PNPLA7: variants seen among roughly 807,000 people sequenced by gnomAD.
PNPLA7 encodes patatin-like phospholipase domain-containing protein 7.
PNPLA7 carries 153 observed loss-of-function variants against 161.7 expected under a neutral mutation model. That is an observed-to-expected ratio of 0.95 (90% CI 0.83 to 1.08). PNPLA7 has a LOEUF of 1.08. PNPLA7 is among the 50% of genes least tolerant of loss of function. The pLI is 0.00. For missense variants in PNPLA7, 1,739 were observed against 1,856.6 expected (o/e 0.94, Z 1.16); for synonymous variants, 809 against 782.1 (o/e 1.03, Z -0.57).
At chr9:137,530,043 C>A (rs1835506827) in intron 8 of PNPLA7, among the ~76,000 whole-genome samples, 2 of 151,944 alleles carry the variant, frequency 1.3e-5, no homozygotes, top group Non-Finnish European at 2.9e-5. Context: ...CGGCTCACTG[C>A]AACTTCTGCC....
intron 4 of PNPLA7, among the ~76,000 whole-genome samples, chr9:137,544,502 G>A (rs944092270): frequency 6.6e-6 from 1 of 152,154 alleles, no homozygotes; most frequent in African/African-American, 2.4e-5. Flanking sequence ...TGTCCCGGCC[G>A]CCTAAGCCTG....
intron 21 of PNPLA7, 59 bp downstream of exon 21, chr9:137,484,528 G>A: frequency 6.7e-7 from 1 of 1,495,846 alleles, no homozygotes; most frequent in Admixed American, 2.1e-5. Context: ...CAGCCGGCAG[G>A]CGCCCTCCAC....
intron 1 of PNPLA7, among the ~76,000 whole-genome samples, chr9:137,548,476 G>A (rs571778615): frequency 2.2e-4 from 34 of 152,330 alleles, no homozygotes; most frequent in South Asian, 1.2e-3. Flanking sequence ...AGGGCCGGGC[G>A]CAGTGGCTCA....
chr9:137,462,355 GTC>G (rs1191529691), intron 30 of PNPLA7, 24 bp from the exon 31 acceptor site: 2 of 1,580,032 alleles, frequency 1.3e-6, no homozygotes, highest in Admixed American at 3.5e-5. Context: ...AGCCGCCTGA[GTC>G]TCCTGCCCCG....
Position 137,463,527 on chromosome 9 carries a change from G to T in PNPLA7, c.3231C>A (p.Ser1077=), listed in dbSNP as rs541907882. The T allele has an allele frequency of 3.8e-6, 6 of 1,576,538 alleles. No homozygotes were observed. The African/African-American group carries it at 6.7e-5, about 18-fold the overall frequency. The part of the protein sequence containing the change: ...ASAMRVHTDG[S]LWWYVRASMS... Reference sequence around the variant, plus strand: ...TGCTGGCACGCACGTACCACCACAGGGAGCCTGGGGAGGGGGCCCGGAGCT... The same window carrying T: ...TGCTGGCACGCACGTACCACCACAGTGAGCCTGGGGAGGGGGCCCGGAGCT... Residue 1077 remains serine, a synonymous_variant, in exon 29 of 35, where the codon TCC becomes TCA. Transcript: ENST00000406427.
chr9:137,539,915 A>AAT (rs1265526109), intron 8 of PNPLA7, among the ~76,000 whole-genome samples: 8 of 152,034 alleles, frequency 5.3e-5, no homozygotes, highest in Non-Finnish European at 1.0e-4. Flanking sequence ...CCTCCCAAGT[A>AAT]GCTGGGATTA....
chr9:137,504,942 ACT>A (rs556707698), intron 14 of PNPLA7, among the ~76,000 whole-genome samples: 10 of 152,066 alleles, frequency 6.6e-5, no homozygotes, highest in African/African-American at 9.6e-5. Flanking sequence ...TAATCCCAAC[ACT>A]CTGGGAGGCT....
chr9:137,477,945 T>TC, intron 25 of PNPLA7, 89 bp downstream of exon 25: 2 of 1,086,462 alleles, frequency 1.8e-6, no homozygotes, highest in Non-Finnish European at 2.4e-6. Context: ...ACACCCCCTG[T>TC]CCCCCGCACC....
chr9:137,498,640 G>A (rs1833202562), intron 16 of PNPLA7, among the ~76,000 whole-genome samples: 1 of 152,246 alleles, frequency 6.6e-6, no homozygotes, highest in South Asian at 2.1e-4. Flanking sequence ...CAAAGGCAGA[G>A]GCTGAGAGAC....
intron 11 of PNPLA7, among the ~76,000 whole-genome samples, 181 bp from the exon 12 acceptor site, chr9:137,515,700 C>T (rs1005193403): frequency 2.6e-5 from 4 of 151,428 alleles, no homozygotes; most frequent in South Asian, 2.1e-4. Flanking sequence ...TGAGTGCAAG[C>T]GAGTGCCGGC....
At chr9:137,533,044 T>C (rs1198070606) in intron 8 of PNPLA7, among the ~76,000 whole-genome samples, 2 of 141,650 alleles carry the variant, frequency 1.4e-5, no homozygotes, top group African/African-American at 5.4e-5. Flanking sequence ...CTCAGACTCC[T>C]CAGTGAGTGT....
intron 21 of PNPLA7, 79 bp downstream of exon 21, chr9:137,484,508 A>C (rs1832369499): frequency 6.9e-7 from 1 of 1,451,574 alleles, no homozygotes; most frequent in African/African-American, 1.4e-5. Flanking sequence ...GTCCCCTCGA[A>C]GACAGAGGGC....
At position 137,463,613 on chromosome 9, in the gene PNPLA7, C is replaced by T. The variant is rs1291699515; in HGVS notation, c.3227-82G>A. ...GGTTCAGGGCCTTGCCACTGCAGTCCTGGAGCTGGTAGGTCCCAACTCTCT... is the reference window on the plus strand; with the variant it reads ...GGTTCAGGGCCTTGCCACTGCAGTCTTGGAGCTGGTAGGTCCCAACTCTCT... On this transcript the variant is annotated intron_variant, in intron 28 of 34. Coordinates refer to ENST00000406427, the MANE Select transcript of PNPLA7 (RefSeq NM_001098537.3). The T allele has an allele frequency of 5.7e-6, 6 of 1,054,186 alleles. No individual in the cohort carries two copies. In the East Asian group the frequency reaches 1.6e-4, roughly 28 times the overall value. 65.3% of individuals were successfully genotyped at this position (1,054,186 alleles called of 1,614,324 possible). A position where few individuals can be genotyped will look rare whatever the true frequency, so the allele number is the denominator to read the frequency against.
chr9:137,473,540 A>C (rs1417854561), intron 25 of PNPLA7, among the ~76,000 whole-genome samples: 5 of 152,226 alleles, frequency 3.3e-5, no homozygotes, highest in African/African-American at 1.2e-4. Context: ...GACTGAGGAC[A>C]ATATCAGTAA....
At position 137,542,492 on chromosome 9, in the gene PNPLA7, T is replaced by C. The variant is rs1467005635; in HGVS notation, c.666+150A>G. On this transcript the variant is annotated intron_variant, in intron 7 of 34. Coordinates refer to ENST00000406427, the MANE Select transcript of PNPLA7 (RefSeq NM_001098537.3). ...TTTCAAAAAACTAAATAAAATGTAATAAAAAATAAAAACGGTGAGTTTTCC... is the reference window on the plus strand; with the variant it reads ...TTTCAAAAAACTAAATAAAATGTAACAAAAAATAAAAACGGTGAGTTTTCC... The C allele has an allele frequency of 5.3e-6, 5 of 947,910 alleles. No individual in the cohort carries two copies. The African/African-American group carries it at 6.7e-5, about 13-fold the overall frequency. The allele number at this position is 947,910 out of a possible 1,614,324, so 58.7% of individuals were successfully genotyped here. A position where few individuals can be genotyped will look rare whatever the true frequency, so the allele number is the denominator to read the frequency against.
In PNPLA7 at chr9:137,542,644, T is replaced by C; in HGVS notation, c.664A>G (p.Thr222Ala). ...DGRLEVCIQD[T>A]DGTEVVVKEV... ...CGCCCCGCCGCCCTGCGACTCACAG[T>C]GTCCTGGATGCAGACCTCCAGCCGC... Residue 222 changes from threonine to alanine, a missense_variant and splice_region_variant, in exon 7 of 35, where the codon ACT becomes GCT. Transcript: ENST00000406427. The C allele has an allele frequency of 1.3e-6, 2 of 1,590,256 alleles. No individual in the cohort carries two copies. Among genetic ancestry groups the C allele is most frequent in the Non-Finnish European group, 1.7e-6 (2 of 1,164,032 alleles).
At chr9:137,534,232 A>C (rs954103827) in intron 8 of PNPLA7, among the ~76,000 whole-genome samples, 54 of 145,502 alleles carry the variant, frequency 3.7e-4, no homozygotes, top group African/African-American at 1.4e-3. Flanking sequence ...CTACTCCCCA[A>C]CACTGTCCAC....
intron 26 of PNPLA7, among the ~76,000 whole-genome samples, chr9:137,466,718 T>A (rs28628583): frequency 0.027 from 1,013 of 36,910 alleles, no homozygotes; most frequent in Middle Eastern, 0.091. Context: ...GGCACGGATC[T>A]GACCACCTCC....
At chr9:137,501,229 C>CCT (rs1833394724) in intron 15 of PNPLA7, among the ~76,000 whole-genome samples, 1 of 152,210 alleles carries the variant, frequency 6.6e-6, no homozygotes, top group Admixed American at 6.5e-5. Flanking sequence ...TCCCATGCCG[C>CCT]CTCGCCTGGG....
Sources: allele counts gnomAD v4.1 joint callset (sites outside exome capture counted in the v4.1 genomes callset), GRCh38; gene constraint gnomAD v4.1.1; transcripts MANE v1.5; gene names NCBI Gene and HGNC (gene_info 2026-07-23, HGNC 2026-07-21).